The following EIPR1 variants were observed in gnomAD, a reference collection of about 807,000 sequenced individuals.
The protein encoded by EIPR1 is EARP and GARP complex-interacting protein 1.
In EIPR1, 25 loss-of-function variants were observed where a neutral mutation model predicts 48.1. The observed-to-expected ratio is 0.52, with a 90% CI of 0.38 to 0.73. The LOEUF is 0.73. Ranked by LOEUF, EIPR1 falls within the 30% of genes least tolerant of loss-of-function variation. The probability of loss-of-function intolerance (pLI) is 0.00; values close to 1 mark genes in which losing one functional copy is unlikely to be tolerated. For synonymous variants in EIPR1, 204 were observed against 201.9 expected (o/e 1.01, Z -0.09); for missense variants, 415 against 506.2 (o/e 0.82, Z 1.73).
chr2:3,235,849 A>G (rs1666388751), intron 4 of EIPR1, among the ~76,000 whole-genome samples: 1 of 152,192 alleles, frequency 6.6e-6, no homozygotes, highest in Non-Finnish European at 1.5e-5. Context: ...AGAGGTAAAG[A>G]ATGCCCCAAA....
chr2:3,253,004 C>G (rs939876476), intron 4 of EIPR1, among the ~76,000 whole-genome samples: 2 of 152,162 alleles, frequency 1.3e-5, no homozygotes, highest in Admixed American at 6.5e-5. Flanking sequence ...AAGTGGGGAT[C>G]GGACGTGCCT....
At chr2:3,324,004 C>G (rs1038884961) in intron 3 of EIPR1, among the ~76,000 whole-genome samples, 14 of 152,132 alleles carry the variant, frequency 9.2e-5, no homozygotes, top group East Asian at 1.9e-4. Context: ...GAATTCACAG[C>G]GCCAGTGTGA....
chr2:3,189,157 G>A lies in EIPR1; in HGVS notation c.*177C>T, dbSNP rs1338827254. The A allele has an allele frequency of 2.1e-5, 12 of 567,152 alleles. No homozygotes were observed. The highest frequency in any genetic ancestry group is 3.4e-5 in the Non-Finnish European group (12 of 357,290). 35.1% of individuals were successfully genotyped at this position (567,152 alleles called of 1,614,324 possible). A position where few individuals can be genotyped will look rare whatever the true frequency, so the allele number is the denominator to read the frequency against. On this transcript the variant is annotated 3_prime_UTR_variant, in exon 9 of 9. Transcript: ENST00000382125. This position sits in a 1 kb window ranked among gnomAD's most constrained non-coding sequence, Gnocchi z 4.6. ...GCTGGGTTCGGGCATTAGCTGTGCCGTCGACAATAGCCCCATTCACCCCAT... is the reference window on the plus strand; with the variant it reads ...GCTGGGTTCGGGCATTAGCTGTGCCATCGACAATAGCCCCATTCACCCCAT...
intron 4 of EIPR1, among the ~76,000 whole-genome samples, chr2:3,236,395 G>C (rs1666406666): frequency 6.6e-6 from 1 of 152,222 alleles, no homozygotes; most frequent in Non-Finnish European, 1.5e-5. Context: ...CATGAGCAGA[G>C]GCTGGGACTG....
chr2:3,208,746 T>TTCC lies in EIPR1; in HGVS notation c.516+5402_516+5403insGGA, dbSNP rs746093042. 3.4e-5 allele frequency: 53 copies of TTCC among 1,545,108 alleles called. No homozygotes were observed. The East Asian group carries it at 3.4e-4, about 10-fold the overall frequency. ...GCGTGAGGCTCGTGGCGGGTCCTTC[T>TTCC]GTGAGTGAGGCCCGTGGCGAGTCCT... On this transcript the variant is annotated intron_variant, in intron 5 of 8. Coordinates refer to ENST00000382125, the MANE Select transcript of EIPR1 (RefSeq NM_003310.5).
chr2:3,376,520 G>C (rs141825574), intron 1 of EIPR1, among the ~76,000 whole-genome samples: 2,156 of 152,168 alleles, frequency 0.014, 49 homozygotes, highest in African/African-American at 0.05. Context: ...GTGAAACCCC[G>C]TATCTACTAA....
chr2:3,264,763 C>T (rs1667436388), intron 3 of EIPR1, among the ~76,000 whole-genome samples: 1 of 152,218 alleles, frequency 6.6e-6, no homozygotes, highest in South Asian at 2.1e-4. Flanking sequence ...TCTCGGCTCA[C>T]TGCAACCTCC....
chr2:3,337,986 T>G (rs761598334), intron 3 of EIPR1, 31 bp downstream of exon 3: 5 of 1,570,854 alleles, frequency 3.2e-6, no homozygotes, highest in Non-Finnish European at 4.3e-6. Flanking sequence ...TTACCTCCAG[T>G]TAGCAAGTAC....
At chr2:3,370,644 G>C (rs1255070292) in intron 1 of EIPR1, among the ~76,000 whole-genome samples, 1 of 152,184 alleles carries the variant, frequency 6.6e-6, no homozygotes, top group Non-Finnish European at 1.5e-5. Context: ...ATCAGTGATG[G>C]AAGATGAAAT....
intron 4 of EIPR1, among the ~76,000 whole-genome samples, chr2:3,248,594 G>A (rs1201648040): frequency 2.0e-5 from 3 of 150,342 alleles, no homozygotes; most frequent in South Asian, 4.2e-4. Flanking sequence ...ACTCCGTCTC[G>A]AAAAAGAAAA....
chr2:3,353,377 T>C (rs767089072), intron 2 of EIPR1: 33 of 456,768 alleles, frequency 7.2e-5, no homozygotes, highest in Non-Finnish European at 8.2e-5. Flanking sequence ...TTGATCATAC[T>C]GTAAGCACAA....
intron 5 of EIPR1, among the ~76,000 whole-genome samples, chr2:3,204,999 G>A (rs1334880273): frequency 6.6e-6 from 1 of 152,194 alleles, no homozygotes; most frequent in African/African-American, 2.4e-5. Context: ...CAATACCAAG[G>A]AAAATGGAGG....
At chr2:3,322,995 A>T (rs1002045463) in intron 3 of EIPR1, among the ~76,000 whole-genome samples, 3 of 152,128 alleles carry the variant, frequency 2.0e-5, no homozygotes, top group African/African-American at 4.8e-5. Context: ...AAAGCGACAA[A>T]CGTTACGAAA....
chr2:3,346,718 G>C (rs942750092), intron 2 of EIPR1, among the ~76,000 whole-genome samples: 8 of 152,188 alleles, frequency 5.3e-5, no homozygotes, highest in African/African-American at 1.9e-4. Flanking sequence ...CTCAGGAATT[G>C]AAAAGGGGGC....
At chr2:3,293,764 CTGT>C (rs1668443264) in intron 3 of EIPR1, among the ~76,000 whole-genome samples, 1 of 152,182 alleles carries the variant, frequency 6.6e-6, no homozygotes, top group South Asian at 2.1e-4. Context: ...CAGAGGCAGC[CTGT>C]TATTATTTTA....
intron 5 of EIPR1, among the ~76,000 whole-genome samples, chr2:3,202,162 C>T (rs1217788330): frequency 1.3e-5 from 2 of 152,210 alleles, no homozygotes; most frequent in Non-Finnish European, 2.9e-5. Flanking sequence ...TGGTCTCGAT[C>T]TTCTGACCTT....
chr2:3,332,527 GCCTGCCA>G (rs2103343281), intron 3 of EIPR1, among the ~76,000 whole-genome samples: 1 of 152,318 alleles, frequency 6.6e-6, no homozygotes, highest in South Asian at 2.1e-4. Flanking sequence ...TCGGAGGCCA[GCCTGCCA>G]CCTGCCACCA....
intron 2 of EIPR1, among the ~76,000 whole-genome samples, chr2:3,348,967 G>A (rs535369671): frequency 2.6e-5 from 4 of 152,316 alleles, no homozygotes; most frequent in African/African-American, 9.6e-5. Flanking sequence ...CGGGCTGCTC[G>A]CAGCCGGAAC....
Position 3,369,637 on chromosome 2 carries a change from C to T in EIPR1, c.42+8011G>A, listed in dbSNP as rs558328739. Among the ~76,000 whole-genome samples, 4 of 152,352 alleles carry T rather than the reference C, an allele frequency of 2.6e-5. No homozygotes were observed. In the South Asian group the frequency reaches 6.2e-4, roughly 24 times the overall value. On this transcript the variant is annotated intron_variant, in intron 1 of 8. Coordinates refer to ENST00000382125, the MANE Select transcript of EIPR1 (RefSeq NM_003310.5). ...CCCACGGAGTCTCGCTGATTGCTAG[C>T]ACAGCAGTCTGAGATCAAACTGCAA... is the stretch of plus-strand genomic sequence containing the variant.
Sources: gnomAD v4.1 joint callset for allele counts (sites outside exome capture counted in the v4.1 genomes callset) on GRCh38, gnomAD v4.1.1 for gene constraint, Gnocchi (gnomAD v3.1) non-coding constraint, MANE v1.5 for transcripts, NCBI Gene and HGNC (gene_info 2026-07-23, HGNC 2026-07-21) for gene names.